SLC12A7: variants seen among roughly 807,000 people sequenced by gnomAD.
The protein encoded by SLC12A7 is solute carrier family 12 member 7, also known as K-Cl cotransporter 4.
In SLC12A7, 100 loss-of-function variants were observed where a neutral mutation model predicts 120.6. That is an observed-to-expected ratio of 0.83 (90% confidence interval 0.71 to 0.98). The LOEUF is 0.98. Among genes scored for constraint, SLC12A7 ranks in the 50% least tolerant of loss-of-function variants. The probability of loss-of-function intolerance (pLI) is 0.00; values close to 1 mark genes in which losing one functional copy is unlikely to be tolerated. For synonymous variants in SLC12A7, 760 were observed against 678.0 expected, an observed-to-expected ratio of 1.12 and a Z score of -1.88; for missense variants, 1,373 against 1,548.1, an observed-to-expected ratio of 0.89 and a Z score of 1.90.
At chr5:1,097,347 G>A (rs1000320048) in intron 1 of SLC12A7, among the ~76,000 whole-genome samples, 3 of 152,108 alleles carry the variant, frequency 2.0e-5, no homozygotes, top group African/African-American at 4.8e-5. Context: ...TCTCCTCTGC[G>A]CAGCCCACTT....
chr5:1,080,187 G>A (rs1205348899), intron 9 of SLC12A7, among the ~76,000 whole-genome samples: 3 of 35,148 alleles, frequency 8.5e-5, no homozygotes, highest in African/African-American at 2.7e-4. Context: ...AGAGACACCC[G>A]GAGCCACGCA....
At chr5:1,075,083 A>G (rs1481747632) in intron 15 of SLC12A7, among the ~76,000 whole-genome samples, 1 of 152,206 alleles carries the variant, frequency 6.6e-6, no homozygotes, top group African/African-American at 2.4e-5. Flanking sequence ...CGAGACACGT[A>G]GCAGGAATAG....
At chr5:1,130,516 G>A in the SLC12A7 span, among the ~76,000 whole-genome samples, 4 of 98,736 alleles carry the variant, frequency 4.1e-5, no homozygotes, top group Admixed American at 2.0e-4. Context: ...CTGCACACGC[G>A]TGTCCCCTCA....
chr5:1,106,552 C>T, intron 1 of SLC12A7, among the ~76,000 whole-genome samples: 1 of 151,998 alleles, frequency 6.6e-6, no homozygotes, highest in East Asian at 1.9e-4. Context: ...GCCATCCATC[C>T]CTGGGGTGTC....
chr5:1,145,297 G>A, the SLC12A7 span, among the ~76,000 whole-genome samples: 3 of 152,276 alleles, frequency 2.0e-5, no homozygotes, highest in African/African-American at 7.2e-5. The surrounding 1 kb of genome is among the most constrained non-coding windows in gnomAD (Gnocchi z 4.4). Flanking sequence ...GTAAATGATG[G>A]CCGGTTCCGC....
chr5:1,116,377 G>A (rs537848466), upstream of SLC12A7, among the ~76,000 whole-genome samples: 12 of 152,212 alleles, frequency 7.9e-5, no homozygotes, highest in South Asian at 1.0e-3. Context: ...CAGGTACGTG[G>A]GGTTCTGAGC....
In SLC12A7 at chr5:1,050,592, G is replaced by A. The variant is rs1453862974; in HGVS notation, c.*1768C>T. On this transcript the variant is annotated 3_prime_UTR_variant, in exon 24 of 24. Transcript: ENST00000264930. ...GGTGGTTTCGTGTGCAGAACTGAGCGGCCCTCAGAAGCAGGGCTGTTTTCC... is the reference window on the plus strand; with the variant it reads ...GGTGGTTTCGTGTGCAGAACTGAGCAGCCCTCAGAAGCAGGGCTGTTTTCC... The A allele has an allele frequency of 2.0e-5, 7 of 345,984 alleles. No individual in the cohort carries two copies. Among genetic ancestry groups the A allele is most frequent in the East Asian group, 8.5e-5 (2 of 23,410 alleles). The allele number at this position is 345,984 out of a possible 1,614,324, so 21.4% of individuals were successfully genotyped here.
chr5:1,127,511 G>C, the SLC12A7 span, among the ~76,000 whole-genome samples: 5 of 152,240 alleles, frequency 3.3e-5, no homozygotes, highest in African/African-American at 9.6e-5. Flanking sequence ...CTGGACTTCA[G>C]ATTTCCTTTC....
chr5:1,075,956 C>A (rs1738280089), intron 14 of SLC12A7, 182 bp downstream of exon 14: 2 of 589,016 alleles, frequency 3.4e-6, no homozygotes, highest in Non-Finnish European at 6.0e-6. Flanking sequence ...GGGGCTTACT[C>A]CGCAAAGGAA....
chr5:1,130,701 G>A, the SLC12A7 span, among the ~76,000 whole-genome samples: 2 of 152,232 alleles, frequency 1.3e-5, no homozygotes, highest in African/African-American at 4.8e-5. Flanking sequence ...GGGAGCAGCG[G>A]GAGCTTCCAG....
In SLC12A7 at chr5:1,073,529, G is replaced by A. The variant is rs185702276; in HGVS notation, c.2241+104C>T. 1.5e-4 allele frequency: 195 copies of A among 1,276,610 alleles called. 1 individual carries two copies. The highest frequency in any genetic ancestry group is 6.3e-4 in the African/African-American group (41 of 65,434). The allele number at this position is 1,276,610 out of a possible 1,614,324, so 79.1% of individuals were successfully genotyped here. On this transcript the variant is annotated intron_variant, in intron 17 of 23. Coordinates refer to ENST00000264930, the MANE Select transcript of SLC12A7 (RefSeq NM_006598.3). Reference sequence around the variant, plus strand: ...CACGGCTAAAACACAGCAGCGCCACGCACAGCACCGTGTTGACACGCTGCG... The same window carrying A: ...CACGGCTAAAACACAGCAGCGCCACACACAGCACCGTGTTGACACGCTGCG...
intron 13 of SLC12A7, 51 bp downstream of exon 13, chr5:1,076,643 C>A (rs757083002): frequency 3.7e-5 from 52 of 1,389,202 alleles, no homozygotes; most frequent in Non-Finnish European, 4.9e-5. Flanking sequence ...CACTGCCCCA[C>A]GCTCCAGGCC....
chr5:1,092,923 G>A (rs1455292026), intron 3 of SLC12A7, among the ~76,000 whole-genome samples: 1 of 152,122 alleles, frequency 6.6e-6, no homozygotes, highest in African/African-American at 2.4e-5. Flanking sequence ...GCCTCAGGGT[G>A]GCTCTCAGGC....
chr5:1,153,503 A>G, the SLC12A7 span, among the ~76,000 whole-genome samples: 2 of 152,332 alleles, frequency 1.3e-5, no homozygotes, highest in Non-Finnish European at 2.9e-5. Context: ...CTCCCTAGAA[A>G]GGAGAATGAG....
chr5:1,127,000 G>A, the SLC12A7 span, among the ~76,000 whole-genome samples: 2 of 152,116 alleles, frequency 1.3e-5, no homozygotes, highest in Non-Finnish European at 2.9e-5. Flanking sequence ...TAGGGTGTGG[G>A]CTCTCAATCC....
At chr5:1,134,014 G>A in the SLC12A7 span, among the ~76,000 whole-genome samples, 2 of 152,248 alleles carry the variant, frequency 1.3e-5, no homozygotes, top group Non-Finnish European at 2.9e-5. Context: ...AGCCCAGCTA[G>A]TCTCCCTGGC....
At chr5:1,068,306 G>A (rs958032981) in intron 17 of SLC12A7, among the ~76,000 whole-genome samples, 2 of 152,136 alleles carry the variant, frequency 1.3e-5, no homozygotes, top group African/African-American at 4.8e-5. Flanking sequence ...GTGGTGGTGG[G>A]CACCTGTAAT....
chr5:1,066,865 C>G (rs1223337746), intron 17 of SLC12A7, among the ~76,000 whole-genome samples: 3 of 152,160 alleles, frequency 2.0e-5, no homozygotes, highest in Non-Finnish European at 4.4e-5. Flanking sequence ...CTCCTGGGCT[C>G]CAGAACTAGG....
chr5:1,098,823 T>G (rs1442122311), intron 1 of SLC12A7, among the ~76,000 whole-genome samples: 2 of 142,518 alleles, frequency 1.4e-5, no homozygotes, highest in African/African-American at 2.6e-5. Flanking sequence ...CCGCGTCCCT[T>G]GCGCTCCCTG....
Sources: gnomAD v4.1 joint callset for allele counts (sites outside exome capture counted in the v4.1 genomes callset) on GRCh38, gnomAD v4.1.1 for gene constraint, Gnocchi (gnomAD v3.1) non-coding constraint, MANE v1.5 for transcripts, NCBI Gene and HGNC (gene_info 2026-07-23, HGNC 2026-07-21) for gene names.